The following FILIP1 variants were observed in gnomAD, a reference collection of about 807,000 sequenced individuals.
The protein encoded by FILIP1 is filamin-A-interacting protein 1.
Under a neutral mutation model 102.1 loss-of-function variants are expected in FILIP1, and 61 were observed. The ratio of observed to expected loss-of-function variants is 0.60; its 90% CI spans 0.49 to 0.74. The LOEUF (loss-of-function observed/expected upper bound fraction) is 0.74. Among genes scored for constraint, FILIP1 ranks in the 30% least tolerant of loss-of-function variants. FILIP1 has a pLI of 0.00. For synonymous variants in FILIP1, 491 were observed against 526.9 expected (o/e 0.93, Z 0.93); for missense variants, 1,314 against 1,441.2 (o/e 0.91, Z 1.43).
At chr6:75,297,142 AG>A (rs1385723251) in intron 6 of FILIP1, 5 of 152,178 alleles carry the variant, frequency 3.3e-5, no homozygotes, top group African/African-American at 1.2e-4. Context: ...TTGTGAGTGC[AG>A]AAACTTAGGG....
intron 1 of FILIP1, among the ~76,000 whole-genome samples, chr6:75,450,354 T>A (rs1778586269): frequency 6.6e-6 from 1 of 152,116 alleles, no homozygotes; most frequent in Non-Finnish European, 1.5e-5. Context: ...TAAATTATTT[T>A]AGAATAATCA....
intron 1 of FILIP1, among the ~76,000 whole-genome samples, chr6:75,455,476 A>T (rs924158496): frequency 1.3e-5 from 2 of 152,182 alleles, no homozygotes; most frequent in African/African-American, 4.8e-5. Flanking sequence ...AAAGAAGAAA[A>T]ATTTTTAATG....
intron 1 of FILIP1, among the ~76,000 whole-genome samples, chr6:75,464,597 C>T (rs1779111937): frequency 6.6e-6 from 1 of 152,202 alleles, no homozygotes; most frequent in Non-Finnish European, 1.5e-5. Context: ...ATTCTACCTT[C>T]TGATGTACAA....
chr6:75,421,007 T>C (rs1777444780), intron 1 of FILIP1, among the ~76,000 whole-genome samples: 1 of 152,154 alleles, frequency 6.6e-6, no homozygotes, highest in African/African-American at 2.4e-5. Context: ...AAAGGAGAAA[T>C]ATTTAGATAC....
intron 4 of FILIP1, chr6:75,320,079 C>T: frequency 4.3e-6 from 1 of 232,258 alleles, no homozygotes; most frequent in Non-Finnish European, 8.7e-6. Flanking sequence ...ACTGCAATGG[C>T]TGTCCCAACT....
intron 1 of FILIP1, among the ~76,000 whole-genome samples, chr6:75,425,083 T>C (rs1777586931): frequency 6.6e-6 from 1 of 152,160 alleles, no homozygotes; most frequent in South Asian, 2.1e-4. Context: ...AATCAAAGCA[T>C]ATACAGCCTA....
At chr6:75,476,210 G>A (rs756990088) in intron 1 of FILIP1, among the ~76,000 whole-genome samples, 2 of 147,000 alleles carry the variant, frequency 1.4e-5, no homozygotes, top group Non-Finnish European at 3.0e-5. Context: ...CACTGCACTC[G>A]AGCCTGGGCG....
downstream of FILIP1, among the ~76,000 whole-genome samples, chr6:75,304,664 T>C (rs1582309220): frequency 6.6e-6 from 1 of 152,038 alleles, no homozygotes; most frequent in South Asian, 2.1e-4. Flanking sequence ...CCTTCAACCA[T>C]CAAAACAATA....
At chr6:75,470,530 T>C (rs1165493848) in intron 1 of FILIP1, among the ~76,000 whole-genome samples, 1 of 152,174 alleles carries the variant, frequency 6.6e-6, no homozygotes, top group Non-Finnish European at 1.5e-5. Context: ...GGAATAATCA[T>C]AGAACCAACC....
intron 4 of FILIP1, among the ~76,000 whole-genome samples, chr6:75,326,503 A>G (rs1773869733): frequency 6.6e-6 from 1 of 152,206 alleles, no homozygotes; most frequent in Admixed American, 6.5e-5. Flanking sequence ...CCCAAAAACT[A>G]TTAAAATAAA....
chr6:75,445,558 A>G (rs1778418894), intron 1 of FILIP1, among the ~76,000 whole-genome samples: 2 of 152,006 alleles, frequency 1.3e-5, no homozygotes, highest in Non-Finnish European at 2.9e-5. Context: ...ACATGTAAGT[A>G]TGGCAGCCAC....
intron 4 of FILIP1, among the ~76,000 whole-genome samples, chr6:75,337,091 A>AT (rs549077606): frequency 5.3e-5 from 8 of 150,574 alleles, no homozygotes; most frequent in African/African-American, 1.2e-4. Context: ...CTGGTGCCTA[A>AT]TTTTTTTTTT....
At chr6:75,318,877 A>G (rs1283072531) in intron 4 of FILIP1, among the ~76,000 whole-genome samples, 3 of 152,104 alleles carry the variant, frequency 2.0e-5, no homozygotes, top group Admixed American at 1.3e-4. Context: ...CACACTCTGT[A>G]GAGTGTTAAC....
At chr6:75,379,089 G>A (rs1285722093) in intron 2 of FILIP1, among the ~76,000 whole-genome samples, 1 of 152,126 alleles carries the variant, frequency 6.6e-6, no homozygotes, top group African/African-American at 2.4e-5. Context: ...AATCTAGGCT[G>A]AAGTAAGGTG....
intron 1 of FILIP1, among the ~76,000 whole-genome samples, chr6:75,451,322 A>G (rs1778625311): frequency 6.7e-6 from 1 of 149,938 alleles, no homozygotes; most frequent in African/African-American, 2.4e-5. Flanking sequence ...ATAATAATCA[A>G]AATATCAGTA....
At chr6:75,333,939 T>C (rs1319815781) in intron 4 of FILIP1, among the ~76,000 whole-genome samples, 2 of 152,052 alleles carry the variant, frequency 1.3e-5, no homozygotes, top group African/African-American at 4.8e-5. Flanking sequence ...ATTCTTGTTA[T>C]CACAGCCACA....
At chr6:75,319,405 T>C (rs1773562941) in intron 4 of FILIP1, 1 of 624,816 alleles carries the variant, frequency 1.6e-6, no homozygotes, top group Admixed American at 1.9e-5. Context: ...TTGAACTTCT[T>C]TTTTGTCTCC....
chr6:75,368,951 A>T (rs1243963102), intron 2 of FILIP1, among the ~76,000 whole-genome samples: 1 of 152,174 alleles, frequency 6.6e-6, no homozygotes, highest in Non-Finnish European at 1.5e-5. Context: ...CAGGCCAGGA[A>T]CTGTGTTTTG....
intron 2 of FILIP1, among the ~76,000 whole-genome samples, chr6:75,366,731 G>A (rs1376015342): frequency 6.6e-6 from 1 of 152,104 alleles, no homozygotes; most frequent in African/African-American, 2.4e-5. Flanking sequence ...GGGTAGAAAA[G>A]GAATTTTATA....
Sources: allele counts gnomAD v4.1 joint callset (sites outside exome capture counted in the v4.1 genomes callset), GRCh38; gene constraint gnomAD v4.1.1; transcripts MANE v1.5; gene names NCBI Gene and HGNC (gene_info 2026-07-23, HGNC 2026-07-21).